The following C5orf34 variants were observed in gnomAD, a reference collection of about 807,000 sequenced individuals.
C5orf34 encodes chromosome 5 open reading frame 34, also known as uncharacterized protein C5orf34.
In C5orf34, 73 loss-of-function variants were observed where a neutral mutation model predicts 78.4. The ratio of observed to expected loss-of-function variants is 0.93; its 90% CI spans 0.77 to 1.13. The LOEUF is 1.13. Among genes scored for constraint, C5orf34 ranks in the 50% most tolerant of loss-of-function variants. C5orf34 has a pLI of 0.00. For missense variants in C5orf34, 730 were observed against 732.7 expected (o/e 1.00, Z 0.04); for synonymous variants, 251 against 246.6 (o/e 1.02, Z -0.17).
intron 5 of C5orf34, among the ~76,000 whole-genome samples, chr5:43,502,914 G>A (rs1361549477): frequency 6.6e-6 from 1 of 152,212 alleles, no homozygotes; most frequent in Non-Finnish European, 1.5e-5. Flanking sequence ...TTAGCCGTCT[G>A]CACAAGGGGC....
At chr5:43,487,270 T>C (rs1232269289) in intron 12 of C5orf34, among the ~76,000 whole-genome samples, 159 bp from the exon 13 acceptor site, 1 of 152,182 alleles carries the variant, frequency 6.6e-6, no homozygotes, top group Admixed American at 6.5e-5. Context: ...GTCTGCTCCT[T>C]GTAGATGAAG....
intron 9 of C5orf34, 21 bp from the exon 10 acceptor site, chr5:43,492,330 G>C: frequency 6.7e-7 from 1 of 1,486,284 alleles, no homozygotes. Flanking sequence ...AGAAAGATAA[G>C]TTTTATCATT....
chr5:43,489,637 T>C (rs1313548326), intron 11 of C5orf34, among the ~76,000 whole-genome samples: 4 of 152,156 alleles, frequency 2.6e-5, no homozygotes, highest in Non-Finnish European at 5.9e-5. Flanking sequence ...CCAAACAGGC[T>C]ACAGCTAAAG....
At chr5:43,495,997 T>G in intron 6 of C5orf34, 1 of 1,591,228 alleles carries the variant, frequency 6.3e-7, no homozygotes. Flanking sequence ...TGGAATCCAT[T>G]TTGTTAACAC....
At chr5:43,507,919 A>C (rs1413350651) in intron 3 of C5orf34, among the ~76,000 whole-genome samples, 1 of 152,292 alleles carries the variant, frequency 6.6e-6, no homozygotes, top group Admixed American at 6.5e-5. Flanking sequence ...TCTACTAAAA[A>C]TGCAAGAAAT....
At chr5:43,494,187 A>ATAT (rs1745404044) in intron 7 of C5orf34, among the ~76,000 whole-genome samples, 1 of 152,184 alleles carries the variant, frequency 6.6e-6, no homozygotes, top group Admixed American at 6.5e-5. Context: ...TTTAAATGTA[A>ATAT]CATCAAATCT....
At chr5:43,497,802 T>C (rs1745604509) in intron 6 of C5orf34, among the ~76,000 whole-genome samples, 2 of 152,360 alleles carry the variant, frequency 1.3e-5, no homozygotes, top group South Asian at 2.1e-4. Flanking sequence ...CTTTTGGCTA[T>C]GAAAACAGAC....
rs189258705 is a variant in C5orf34, at chr5:43,490,373, C to A, written c.1679+258G>T. The stretch of plus-strand genomic sequence containing the variant: ...GATGAATTTGTCACATAAAAAGAGC[C>A]ACTCATTTTCATGTTAAGTTTTCAA... On this transcript the variant is annotated intron_variant, in intron 11 of 12. Coordinates refer to ENST00000306862, the MANE Select transcript of C5orf34 (RefSeq NM_198566.4). The A allele has an allele frequency of 1.7e-3, 437 of 257,244 alleles. 2 individuals carry two copies. The highest frequency in any genetic ancestry group is 9.2e-3 in the African/African-American group (414 of 45,042). 15.9% of individuals were successfully genotyped at this position (257,244 alleles called of 1,614,324 possible).
At chr5:43,501,124 G>A (rs1389846373) in intron 6 of C5orf34, among the ~76,000 whole-genome samples, 1 of 152,190 alleles carries the variant, frequency 6.6e-6, no homozygotes, top group Non-Finnish European at 1.5e-5. Context: ...TCCCGCAACA[G>A]CTTTGAGTAA....
At chr5:43,502,527 T>G in intron 5 of C5orf34, 32 bp from the exon 6 acceptor site, 1 of 1,405,872 alleles carries the variant, frequency 7.1e-7, no homozygotes, top group Non-Finnish European at 9.8e-7. Flanking sequence ...TAAAAATTTT[T>G]TTCCACTTGA....
intron 8 of C5orf34, among the ~76,000 whole-genome samples, 179 bp downstream of exon 8, chr5:43,493,364 C>T (rs976406509): frequency 6.6e-6 from 1 of 151,968 alleles, no homozygotes; most frequent in Non-Finnish European, 1.5e-5. Context: ...AAAACTATAA[C>T]ATAAAAGCCT....
Position 43,492,879 on chromosome 5 carries a change from TA to T in C5orf34, c.1325del (p.Ile442LysfsTer11). 6.3e-7 allele frequency: 1 copy of T among 1,592,222 alleles called. No homozygotes were observed. Among genetic ancestry groups the T allele is most frequent in the Non-Finnish European group, 8.6e-7 (1 of 1,167,376 alleles). On this transcript the variant is annotated frameshift_variant, in exon 9 of 13. Transcript: ENST00000306862. LOFTEE classifies it high-confidence loss of function. ...RICCWKMVPG[I>X]NDSNILPLVL... ...CCAAAGGCAGTATATTGCTATCATT[TA>T]TCCCAGGTACCTAAAACCAAGTAAA...
intron 6 of C5orf34, chr5:43,495,261 C>T (rs1745456702): frequency 6.2e-7 from 1 of 1,606,192 alleles, no homozygotes; most frequent in Admixed American, 1.7e-5. Context: ...TCAACAATGG[C>T]AGCATCACCA....
At chr5:43,496,227 G>A (rs1745511628) in intron 6 of C5orf34, 1 of 1,575,122 alleles carries the variant, frequency 6.3e-7, no homozygotes, top group Non-Finnish European at 8.6e-7. Context: ...ATTTCCACAA[G>A]GAGATATCAA....
intron 6 of C5orf34, chr5:43,496,418 TGAC>T (rs1309141104): frequency 6.3e-7 from 1 of 1,594,660 alleles, no homozygotes; most frequent in Non-Finnish European, 8.5e-7. Flanking sequence ...ACGTGTCCAA[TGAC>T]GACAATGTTG....
intron 1 of C5orf34, among the ~76,000 whole-genome samples, chr5:43,511,564 C>T (rs976162211): frequency 1.3e-5 from 2 of 152,240 alleles, no homozygotes; most frequent in East Asian, 1.9e-4. Flanking sequence ...GCCATGATGA[C>T]GATGGCGGTT....
chr5:43,499,336 G>C (rs1745666006), intron 6 of C5orf34, among the ~76,000 whole-genome samples: 1 of 152,092 alleles, frequency 6.6e-6, no homozygotes, highest in Non-Finnish European at 1.5e-5. Context: ...TCCTAGCTTA[G>C]CCAAGTTTTC....
At position 43,506,316 on chromosome 5, in the gene C5orf34, T is replaced by A; in HGVS notation, c.364A>T (p.Ile122Phe). 6.2e-7 allele frequency: 1 copy of A among 1,614,110 alleles called. No homozygotes were observed. Among genetic ancestry groups the A allele is most frequent in the Non-Finnish European group, 8.5e-7 (1 of 1,180,014 alleles). ...DGTMIYMESG[I>F]VKITSLDGHA... is the part of the protein sequence containing the mutation. ...CCATCTAAAGATGTTATCTTCACAATGCCACTCTCCATATATATCATGGTA... is the reference window on the plus strand; with the variant it reads ...CCATCTAAAGATGTTATCTTCACAAAGCCACTCTCCATATATATCATGGTA... The change falls in exon 4 of 13, where the codon ATT becomes TTT. Residue 122 changes from isoleucine (I) to phenylalanine (F), a missense_variant. Transcript: ENST00000306862.
chr5:43,511,000 G>A (rs1195297513), intron 1 of C5orf34: 11 of 211,516 alleles, frequency 5.2e-5, no homozygotes, highest in Non-Finnish European at 6.7e-5. Context: ...AGTGAGGAGC[G>A]TCTCTGCCCG....
Sources: gnomAD v4.1 joint callset for allele counts (sites outside exome capture counted in the v4.1 genomes callset) on GRCh38, gnomAD v4.1.1 for gene constraint, MANE v1.5 for transcripts, NCBI Gene and HGNC (gene_info 2026-07-23, HGNC 2026-07-21) for gene names.